GPHN: variants seen among roughly 807,000 people sequenced by gnomAD.
GPHN encodes the protein gephyrin.
Under a neutral mutation model 95.5 loss-of-function variants are expected in GPHN, and 17 were observed. The observed-to-expected ratio is 0.18, with a 90% CI of 0.12 to 0.27. GPHN has a LOEUF of 0.27. Ranked by LOEUF, GPHN falls within the 10% of genes least tolerant of loss-of-function variation. GPHN has a pLI of 1.00. For synonymous variants in GPHN, 320 were observed against 322.5 expected (o/e 0.99, Z 0.08); for missense variants, 660 against 978.1 (o/e 0.67, Z 4.34).
At chr14:67,519,175 T>C in the GPHN span, among the ~76,000 whole-genome samples, 1 of 152,238 alleles carries the variant, frequency 6.6e-6, no homozygotes, top group African/African-American at 2.4e-5. Context: ...GAAAGGGGCA[T>C]AAAGAGGCTA....
At chr14:67,261,036 G>A in the GPHN span, among the ~76,000 whole-genome samples, 1 of 152,172 alleles carries the variant, frequency 6.6e-6, no homozygotes, top group Non-Finnish European at 1.5e-5. Flanking sequence ...CATTGGACAA[G>A]TATTTATTTT....
At chr14:66,767,731 AAGT>A (rs1417140936) in intron 2 of GPHN, among the ~76,000 whole-genome samples, 1 of 152,008 alleles carries the variant, frequency 6.6e-6, no homozygotes, top group East Asian at 1.9e-4. Context: ...AAGAGTTGTC[AAGT>A]ATCAGTCATG....
chr14:67,633,109 T>C, the GPHN span, among the ~76,000 whole-genome samples: 1 of 152,138 alleles, frequency 6.6e-6, no homozygotes, highest in Non-Finnish European at 1.5e-5. Flanking sequence ...CGTGAGCCAC[T>C]GCGCCCGGCC....
chr14:67,069,347 G>T (rs760472250), intron 11 of GPHN, among the ~76,000 whole-genome samples: 1 of 152,104 alleles, frequency 6.6e-6, no homozygotes, highest in Non-Finnish European at 1.5e-5. Flanking sequence ...AGTATTTACA[G>T]TATGACCTTG....
chr14:67,221,474 T>C, the GPHN span, among the ~76,000 whole-genome samples: 1 of 152,198 alleles, frequency 6.6e-6, no homozygotes, highest in Admixed American at 6.5e-5. Flanking sequence ...GAGGCGGCAG[T>C]GTTGGGGATG....
chr14:67,163,946 G>T (rs1270350350), intron 19 of GPHN, among the ~76,000 whole-genome samples: 2 of 151,976 alleles, frequency 1.3e-5, no homozygotes. Context: ...AAATCTTGAG[G>T]AAGTGTAATT....
At chr14:66,938,326 G>A (rs1301077337) in intron 8 of GPHN, among the ~76,000 whole-genome samples, 1 of 152,044 alleles carries the variant, frequency 6.6e-6, no homozygotes, top group Non-Finnish European at 1.5e-5. Context: ...TAAATTGTGT[G>A]GGTTACATAT....
At chr14:67,266,814 A>C in the GPHN span, among the ~76,000 whole-genome samples, 4 of 152,152 alleles carry the variant, frequency 2.6e-5, no homozygotes, top group Admixed American at 6.6e-5. Flanking sequence ...TCTTTTAAAA[A>C]AACTTCGTTT....
chr14:67,451,897 C>T, the GPHN span, among the ~76,000 whole-genome samples: 2 of 152,266 alleles, frequency 1.3e-5, no homozygotes, highest in South Asian at 4.2e-4. Context: ...TGTCTCCACC[C>T]AATTCTCATC....
intron 1 of GPHN, among the ~76,000 whole-genome samples, chr14:66,508,901 T>C (rs1199888666): frequency 1.3e-5 from 2 of 152,072 alleles, no homozygotes; most frequent in Non-Finnish European, 2.9e-5. Flanking sequence ...CTCCGCGCTG[T>C]CGGTGCAGGC....
At chr14:66,695,019 C>T (rs1016444308) in intron 2 of GPHN, among the ~76,000 whole-genome samples, 3 of 151,902 alleles carry the variant, frequency 2.0e-5, no homozygotes, top group African/African-American at 4.8e-5. Context: ...ATTAGCCATG[C>T]GCGGTGGTGC....
chr14:67,013,454 T>C (rs1056871702), intron 9 of GPHN, among the ~76,000 whole-genome samples: 5 of 152,102 alleles, frequency 3.3e-5, no homozygotes, highest in African/African-American at 7.2e-5. Flanking sequence ...TTATATATTA[T>C]ATTATTAAAC....
the GPHN span, among the ~76,000 whole-genome samples, chr14:67,439,533 G>GTTTTTCTTTC: frequency 1.0e-5 from 1 of 96,062 alleles, no homozygotes; most frequent in Non-Finnish European, 2.1e-5. Context: ...AAATTCAATA[G>GTTTTTCTTTC]TTTCTTTCTT....
chr14:67,209,133 C>T, the GPHN span, among the ~76,000 whole-genome samples: 5 of 152,100 alleles, frequency 3.3e-5, no homozygotes, highest in Non-Finnish European at 5.9e-5. Context: ...GCAGAGTTTA[C>T]GTGATTCACT....
chr14:67,474,265 CA>C, the GPHN span, among the ~76,000 whole-genome samples: 8 of 144,752 alleles, frequency 5.5e-5, no homozygotes, highest in South Asian at 2.2e-4. Context: ...AAAAACAAAA[CA>C]AAAAAAAAAC....
intron 9 of GPHN, among the ~76,000 whole-genome samples, chr14:67,003,100 T>C (rs1024834422): frequency 6.6e-6 from 1 of 151,574 alleles, no homozygotes; most frequent in Non-Finnish European, 1.5e-5. Flanking sequence ...CAATTGTCTT[T>C]TTCTCCAAAA....
intron 5 of GPHN, among the ~76,000 whole-genome samples, chr14:66,885,487 A>T (rs1399213674): frequency 6.6e-6 from 1 of 152,134 alleles, no homozygotes; most frequent in Non-Finnish European, 1.5e-5. Flanking sequence ...CAGAATGGGT[A>T]ATTAAGGACC....
At chr14:66,613,263 G>A (rs79072846) in intron 1 of GPHN, among the ~76,000 whole-genome samples, 1,844 of 152,136 alleles carry the variant, frequency 0.012, 23 homozygotes, top group Non-Finnish European at 0.018. Flanking sequence ...TGAATTCACA[G>A]CCAACAGCAC....
chr14:67,413,073 A>G, the GPHN span, among the ~76,000 whole-genome samples: 4 of 152,080 alleles, frequency 2.6e-5, no homozygotes, highest in Non-Finnish European at 4.4e-5. Flanking sequence ...TAGAAAAATA[A>G]TATTTTAATG....
Sources: gnomAD v4.1 joint callset for allele counts (sites outside exome capture counted in the v4.1 genomes callset) on GRCh38, gnomAD v4.1.1 for gene constraint, MANE v1.5 for transcripts, NCBI Gene and HGNC (gene_info 2026-07-23, HGNC 2026-07-21) for gene names.